RPN1: variants seen among roughly 807,000 people sequenced by gnomAD.
RPN1 encodes the protein ribophorin I.
In RPN1, 12 loss-of-function variants were observed where a neutral mutation model predicts 55.5. The observed-to-expected ratio is 0.22, with a 90% CI of 0.14 to 0.35. The LOEUF (loss-of-function observed/expected upper bound fraction) is 0.35. RPN1 is among the 10% of genes least tolerant of loss of function. The pLI, the probability that RPN1 is intolerant of heterozygous loss-of-function variation, is 1.00. For missense variants in RPN1, 679 were observed against 761.3 expected (o/e 0.89, Z 1.27); for synonymous variants, 317 against 305.9 (o/e 1.04, Z -0.38).
At chr3:128,649,703 T>G (rs1346481984) in intron 1 of RPN1, among the ~76,000 whole-genome samples, 1 of 152,198 alleles carries the variant, frequency 6.6e-6, no homozygotes, top group Non-Finnish European at 1.5e-5. Context: ...CCCAACATTT[T>G]CTTTGGTGAT....
intron 1 of RPN1, among the ~76,000 whole-genome samples, chr3:128,648,175 T>C (rs2069783920): frequency 6.6e-6 from 1 of 152,142 alleles, no homozygotes; most frequent in East Asian, 1.9e-4. Flanking sequence ...GGGCGGATCA[T>C]GAGGTCAAGA....
At chr3:128,635,690 T>TACACACACACACACACACAC (rs71153135) in intron 3 of RPN1, among the ~76,000 whole-genome samples, 3 of 138,274 alleles carry the variant, frequency 2.2e-5, no homozygotes, top group African/African-American at 8.2e-5. Context: ...TCTATAGATA[T>TACACACACACACACACACAC]ACACACACAC....
At chr3:128,639,916 T>A (rs2069712725) in intron 2 of RPN1, among the ~76,000 whole-genome samples, 1 of 152,078 alleles carries the variant, frequency 6.6e-6, no homozygotes, top group South Asian at 2.1e-4. Context: ...GCTTGTATCA[T>A]CCTCATATCA....
chr3:128,643,215 T>A (rs1006265506), intron 2 of RPN1, among the ~76,000 whole-genome samples: 3 of 149,758 alleles, frequency 2.0e-5, no homozygotes, highest in Non-Finnish European at 3.0e-5. Context: ...TAATCCCAGT[T>A]ACTCAGGAGC....
chr3:128,620,897 C>T (rs1198734279), intron 9 of RPN1, among the ~76,000 whole-genome samples: 1 of 152,212 alleles, frequency 6.6e-6, no homozygotes, highest in Non-Finnish European at 1.5e-5. Flanking sequence ...TTGGCAGCAC[C>T]TATCATGCCC....
rs2107714260 is a variant in RPN1 at position 128,627,062 on chromosome 3, A to C, written c.1037-230T>G. The C allele has an allele frequency of 1.3e-5, 7 of 521,468 alleles. No individual in the cohort carries two copies. In the South Asian group the frequency reaches 1.5e-4, roughly 11 times the overall value. 32.3% of individuals were successfully genotyped at this position (521,468 alleles called of 1,614,324 possible). A position where few individuals can be genotyped will look rare whatever the true frequency, so the allele number is the denominator to read the frequency against. On this transcript the variant is annotated intron_variant, in intron 5 of 9. Coordinates refer to ENST00000296255, the MANE Select transcript of RPN1 (RefSeq NM_002950.4). The stretch of plus-strand genomic sequence containing the variant: ...ACAGCCACAAGACCTTCACGTTATC[A>C]GTGTCTGTGAAGGAGAACGCAGAGA...
intron 8 of RPN1, 52 bp from the exon 9 acceptor site, chr3:128,622,461 C>A: frequency 6.2e-7 from 1 of 1,601,310 alleles, no homozygotes; most frequent in South Asian, 1.1e-5. Context: ...TGGGTCCACT[C>A]TGACCTTATC....
chr3:128,622,716 C>A (rs572401390), intron 8 of RPN1, among the ~76,000 whole-genome samples: 63 of 151,906 alleles, frequency 4.1e-4, no homozygotes, highest in African/African-American at 1.3e-3. Flanking sequence ...AATATGGTGA[C>A]ATCCCATCTC....
intron 3 of RPN1, among the ~76,000 whole-genome samples, chr3:128,635,955 A>G (rs1239336373): frequency 6.6e-6 from 1 of 151,942 alleles, no homozygotes; most frequent in Non-Finnish European, 1.5e-5. Flanking sequence ...ACAACTTGTT[A>G]TATATGATTT....
intron 1 of RPN1, among the ~76,000 whole-genome samples, chr3:128,649,826 A>G (rs1052380730): frequency 6.6e-5 from 10 of 152,226 alleles, no homozygotes; most frequent in African/African-American, 1.9e-4. Context: ...TCTGTACAGC[A>G]TAAGAGAACT....
chr3:128,632,204 G>A (rs2069647513), intron 3 of RPN1, 47 bp from the exon 4 acceptor site: 1 of 1,567,106 alleles, frequency 6.4e-7, no homozygotes, highest in Non-Finnish European at 8.8e-7. Flanking sequence ...AACAGAGAAT[G>A]CACCATTAGT....
At chr3:128,626,148 G>T in intron 6 of RPN1, 136 bp from the exon 7 acceptor site, 1 of 853,518 alleles carries the variant, frequency 1.2e-6, no homozygotes, top group Non-Finnish European at 1.8e-6. Flanking sequence ...TCCCTTCTCA[G>T]CTATGGAGAA....
At chr3:128,642,842 C>A (rs936436354) in intron 2 of RPN1, among the ~76,000 whole-genome samples, 1 of 150,110 alleles carries the variant, frequency 6.7e-6, no homozygotes, top group African/African-American at 2.5e-5. Flanking sequence ...CATGGTGAAA[C>A]CCCATTTCTA....
intron 8 of RPN1, among the ~76,000 whole-genome samples, 189 bp from the exon 9 acceptor site, chr3:128,622,598 A>G (rs2069568296): frequency 1.3e-5 from 2 of 152,178 alleles, no homozygotes; most frequent in Admixed American, 6.5e-5. Context: ...CTAGGGCCAT[A>G]AAGATGAGCA....
chr3:128,622,522 T>C (rs1054852375), intron 8 of RPN1, 113 bp from the exon 9 acceptor site: 48 of 1,357,868 alleles, frequency 3.5e-5, no homozygotes, highest in Non-Finnish European at 4.3e-5. Context: ...AATGCCACCT[T>C]CTTGGAAAGT....
chr3:128,635,684 T>C lies in RPN1; in HGVS notation c.633+2115A>G, dbSNP rs1177732591. Among the ~76,000 whole-genome samples, 500 of 105,610 alleles carry C rather than the reference T, an allele frequency of 4.7e-3. 6 individuals carry two copies. The highest frequency in any genetic ancestry group is 0.014 in the African/African-American group (347 of 23,932). 69.3% of individuals were successfully genotyped at this position (105,610 alleles called of 152,430 possible). A position where few individuals can be genotyped will look rare whatever the true frequency, so the allele number is the denominator to read the frequency against. On this transcript the variant is annotated intron_variant, in intron 3 of 9. Transcript: ENST00000296255. The stretch of plus-strand genomic sequence containing the variant: ...ATATATAGATATCTATAGATATCTA[T>C]AGATATACACACACACACACACACA...
Position 128,626,753 on chromosome 3 carries a change from G to C in RPN1, c.1116C>G (p.Ile372Met). 1 of 1,614,162 alleles carries C rather than the reference G, an allele frequency of 6.2e-7. No individual in the cohort carries two copies. Among genetic ancestry groups the C allele is most frequent in the Non-Finnish European group, 8.5e-7 (1 of 1,180,032 alleles). ...EQVIDSLTVKIILPEGAKNIE... is the reference protein window; with the variant it reads ...EQVIDSLTVKMILPEGAKNIE... ...CTCACTTGGCTCCTTCAGGCAGGAT[G>C]ATCTTCACAGTCAGAGAATCTATCA... The change falls in exon 6 of 10, where the codon ATC (isoleucine) becomes ATG (methionine). Residue 372 changes from isoleucine (I) to methionine (M), a missense_variant. Transcript: ENST00000296255.
intron 8 of RPN1, among the ~76,000 whole-genome samples, chr3:128,623,704 G>A (rs1274842150): frequency 6.6e-6 from 1 of 152,066 alleles, no homozygotes; most frequent in African/African-American, 2.4e-5. Flanking sequence ...CTGGATGTTG[G>A]TCAACAGTAC....
In RPN1 at chr3:128,631,979, T is replaced by C; in HGVS notation, c.812A>G (p.Asp271Gly). 2 of 1,614,200 alleles carry C rather than the reference T, an allele frequency of 1.2e-6. No individual in the cohort carries two copies. Among genetic ancestry groups the C allele is most frequent in the Non-Finnish European group, 1.7e-6 (2 of 1,180,036 alleles). ...AGAACGGATGGAGGATATTCCACTA[T>C]CTGGCTGTCTCTGGTAATCATAGCG... is the stretch of plus-strand genomic sequence containing the variant. ...FSRYDYQRQPDSGISSIRSFK... is the reference protein window; with the variant it reads ...FSRYDYQRQPGSGISSIRSFK... The change falls in exon 4 of 10, where the codon GAT (aspartate) becomes GGT (glycine). Residue 271 changes from aspartate (D) to glycine (G), a missense_variant. By Grantham distance (94) the Asp-to-Gly change is moderately conservative. Coordinates refer to ENST00000296255, the MANE Select transcript of RPN1 (RefSeq NM_002950.4).
Sources: gnomAD v4.1 joint callset for allele counts (sites outside exome capture counted in the v4.1 genomes callset) on GRCh38, gnomAD v4.1.1 for gene constraint, MANE v1.5 for transcripts, NCBI Gene and HGNC (gene_info 2026-07-23, HGNC 2026-07-21) for gene names.